The following GATM variants were observed in gnomAD, a reference collection of about 807,000 sequenced individuals.
GATM encodes glycine amidinotransferase, mitochondrial.
A neutral mutation model predicts 54.2 loss-of-function variants in GATM; 23 were observed. The observed-to-expected ratio is 0.42, with a 90% confidence interval of 0.31 to 0.60. The LOEUF is 0.60. GATM is among the 20% of genes least tolerant of loss of function. The probability of loss-of-function intolerance (pLI) is 0.14; values close to 1 mark genes in which losing one functional copy is unlikely to be tolerated. For synonymous variants in GATM, 168 were observed against 183.1 expected, an observed-to-expected ratio of 0.92 and a Z score of 0.67; for missense variants, 401 against 544.9, an observed-to-expected ratio of 0.74 and a Z score of 2.63.
chr15:45,391,187 C>T (rs948875076), intron 3 of GATM, among the ~76,000 whole-genome samples: 1 of 151,042 alleles, frequency 6.6e-6, no homozygotes, highest in East Asian at 2.0e-4. Flanking sequence ...GGTGGATCAT[C>T]TGAGGTCAGA....
intron 3 of GATM, among the ~76,000 whole-genome samples, chr15:45,387,323 C>G (rs1234592853): frequency 6.6e-6 from 1 of 152,190 alleles, no homozygotes; most frequent in Non-Finnish European, 1.5e-5. Flanking sequence ...CAATTTAGCA[C>G]TGGGAAAATC....
At chr15:45,382,959 A>G (rs969358334), upstream of GATM, among the ~76,000 whole-genome samples, 4 of 152,006 alleles carry the variant, frequency 2.6e-5, no homozygotes, top group Non-Finnish European at 2.9e-5. Flanking sequence ...TACTTTCTAA[A>G]TCTGAAATGC....
chr15:45,394,276 A>T (rs1189852279), intron 3 of GATM, among the ~76,000 whole-genome samples: 1 of 152,186 alleles, frequency 6.6e-6, no homozygotes, highest in African/African-American at 2.4e-5. Flanking sequence ...TGCGTTCCTT[A>T]TGAGAATTTA....
intron 5 of GATM, 31 bp downstream of exon 5, chr15:45,366,340 G>C (rs1329316865): frequency 1.9e-6 from 3 of 1,613,290 alleles, no homozygotes; most frequent in Non-Finnish European, 2.5e-6. Context: ...CAATAATATA[G>C]TGTGAAATTT....
intron 2 of GATM, among the ~76,000 whole-genome samples, chr15:45,398,806 T>C (rs1272342692): frequency 6.6e-6 from 1 of 152,230 alleles, no homozygotes; most frequent in Admixed American, 6.5e-5. Context: ...AGATTAACAT[T>C]ATTTAATCTA....
In GATM at chr15:45,361,205, G is replaced by T. The variant is rs1595481188; in HGVS notation, c.*904C>A. ...TAAAATTATTTCACATCGCATTTAGGTTTTACCTCCATTAGTTTTTTTTAA... is the reference window on the plus strand; with the variant it reads ...TAAAATTATTTCACATCGCATTTAGTTTTTACCTCCATTAGTTTTTTTTAA... On this transcript the variant is annotated 3_prime_UTR_variant, in exon 9 of 9. Coordinates refer to ENST00000396659, the MANE Select transcript of GATM (RefSeq NM_001482.3). The T allele has an allele frequency of 6.6e-6, 1 of 151,956 alleles. No individual in the cohort carries two copies. The highest frequency in any genetic ancestry group is 6.6e-5 in the Admixed American group (1 of 15,258). The allele number at this position is 151,956 out of a possible 1,614,324, so 9.4% of individuals were successfully genotyped here. A position where few individuals can be genotyped will look rare whatever the true frequency, so the allele number is the denominator to read the frequency against.
intron 4 of GATM, 73 bp downstream of exon 4, chr15:45,367,997 A>G: frequency 5.3e-6 from 7 of 1,332,710 alleles, no homozygotes; most frequent in Non-Finnish European, 7.5e-6. Flanking sequence ...AAGGTATCAG[A>G]GAATCTCTAT....
At position 45,368,624 on chromosome 15, in the gene GATM, A is replaced by G. The variant is rs1406198475; in HGVS notation, c.485-364T>C. On this transcript the variant is annotated intron_variant, in intron 3 of 8. Transcript: ENST00000396659. This position sits in a 1 kb window ranked among gnomAD's most constrained non-coding sequence, Gnocchi z 5.1. Reference sequence around the variant, plus strand: ...GAGACTCTGTCTCAAACAAACAAACAAAAAATGTCTATATAATATTACCTC... The same window carrying G: ...GAGACTCTGTCTCAAACAAACAAACGAAAAATGTCTATATAATATTACCTC... Among the ~76,000 whole-genome samples, 2 of 151,922 alleles carry G rather than the reference A, an allele frequency of 1.3e-5. No homozygotes were observed. The highest frequency in any genetic ancestry group is 2.9e-5 in the Non-Finnish European group (2 of 68,006).
Position 45,368,120 on chromosome 15 carries a change from T to C in GATM, c.625A>G (p.Lys209Glu), listed in dbSNP as rs1393968087. 1.2e-5 allele frequency: 19 copies of C among 1,613,982 alleles called. No individual in the cohort carries two copies. The highest frequency in any genetic ancestry group is 1.5e-5 in the Non-Finnish European group (18 of 1,180,008). Residue 209 changes from lysine to glutamate, a missense_variant, in exon 4 of 9, where the codon AAG (lysine) becomes GAG (glutamate). Lys to Glu is a moderately conservative substitution (Grantham distance 56). Around this residue, in one of 3 missense-constraint regions of GATM, gnomAD observed 321 missense variants for 457.5 expected, o/e 0.70. Transcript: ENST00000396659. The surrounding 1 kb of genome is among the most constrained non-coding windows in gnomAD (Gnocchi z 5.1). The part of the protein sequence containing the change: ...IIKDYFHRGA[K>E]WTTAPKPTMA... Reference sequence around the variant, plus strand: ...GTGGGCTTAGGAGCTGTTGTCCACTTGGCGCCACGGTGGAAGTAGTCTTTG... The same window carrying C: ...GTGGGCTTAGGAGCTGTTGTCCACTCGGCGCCACGGTGGAAGTAGTCTTTG...
At chr15:45,364,662 C>G in intron 7 of GATM, 135 bp downstream of exon 7, 1 of 789,600 alleles carries the variant, frequency 1.3e-6, no homozygotes, top group Non-Finnish European at 2.2e-6. Flanking sequence ...GCTCACAGTC[C>G]CAAGCACCAC....
rs794727787 is a variant in GATM, at chr15:45,366,155, C to G, written c.869G>C (p.Arg290Thr). ...WMRRHLAPDY[R>T]VHIISFKDPN... is the part of the protein sequence containing the mutation. The stretch of plus-strand genomic sequence containing the variant: ...ATCTTTAAAGGAGATGATATGCACT[C>G]TGTAGTCTGGAGCAAGATGCCTACG... Residue 290 changes from arginine to threonine, a missense_variant, in exon 6 of 9, where the codon AGA becomes ACA. Arg to Thr is a moderately conservative substitution (Grantham distance 71). Around this residue, in one of 3 missense-constraint regions of GATM, gnomAD observed 321 missense variants for 457.5 expected, o/e 0.70. Transcript: ENST00000396659. The G allele has an allele frequency of 6.2e-7, 1 of 1,614,006 alleles. No individual in the cohort carries two copies. The highest frequency in any genetic ancestry group is 8.5e-7 in the Non-Finnish European group (1 of 1,179,920).
intron 2 of GATM, among the ~76,000 whole-genome samples, chr15:45,373,749 T>C (rs1221870202): frequency 6.6e-6 from 1 of 152,208 alleles, no homozygotes; most frequent in Non-Finnish European, 1.5e-5. Context: ...CATTCTTCTC[T>C]ACTACGAGGC....
rs1889506946 is a variant in GATM, at chr15:45,369,625, G to C, written c.289-104C>G. 3.3e-5 allele frequency: 32 copies of C among 964,438 alleles called. No individual in the cohort carries two copies. The South Asian group carries it at 4.4e-4, about 13-fold the overall frequency. 59.7% of individuals were successfully genotyped at this position (964,438 alleles called of 1,614,324 possible). ...TCTTTGTATAAGGTATTGGAATTGA[G>C]ACTCCAACCACTCCATGTTCAGTGC... On this transcript the variant is annotated intron_variant, in intron 2 of 8. Coordinates refer to ENST00000396659, the MANE Select transcript of GATM (RefSeq NM_001482.3).
chr15:45,378,333 G>A (rs1305861066), intron 1 of GATM, 52 bp downstream of exon 1: 8 of 1,413,240 alleles, frequency 5.7e-6, no homozygotes, highest in Non-Finnish European at 5.7e-6. Context: ...CACGCCGCCC[G>A]CAGGATCGAG....
At chr15:45,364,044 T>C in intron 7 of GATM, 28 bp from the exon 8 acceptor site, 9 of 1,273,096 alleles carry the variant, frequency 7.1e-6, no homozygotes, top group Non-Finnish European at 1.0e-5. Flanking sequence ...TGTTAAACCA[T>C]GTCCGCTATC....
chr15:45,382,212 G>A (rs1050029232), upstream of GATM, among the ~76,000 whole-genome samples: 22 of 152,128 alleles, frequency 1.4e-4, no homozygotes, highest in African/African-American at 5.1e-4. Flanking sequence ...ATAATTCTGT[G>A]GGTTTTTATG....
At chr15:45,373,809 C>T (rs1889584084) in intron 2 of GATM, among the ~76,000 whole-genome samples, 1 of 152,120 alleles carries the variant, frequency 6.6e-6, no homozygotes. Context: ...ACTTTCTTCT[C>T]CCTCAAAACC....
At chr15:45,364,899 A>G (rs1410875151) in intron 6 of GATM, 39 bp from the exon 7 acceptor site, 1 of 1,512,102 alleles carries the variant, frequency 6.6e-7, no homozygotes, top group South Asian at 1.1e-5. Flanking sequence ...CGTTAAATCT[A>G]CATATACTAT....
chr15:45,377,201 TC>T, intron 1 of GATM: 1 of 472,188 alleles, frequency 2.1e-6, no homozygotes, highest in Non-Finnish European at 4.2e-6. Context: ...CTCTAAAACT[TC>T]CCGCCAGTCT....
Sources: allele counts gnomAD v4.1 joint callset (sites outside exome capture counted in the v4.1 genomes callset), GRCh38; gene constraint gnomAD v4.1.1; regional missense constraint gnomAD v4.1.1; non-coding constraint Gnocchi (gnomAD v3.1); transcripts MANE v1.5; gene names NCBI Gene and HGNC (gene_info 2026-07-23, HGNC 2026-07-21).